Variants in ZFX observed in about 807,000 individuals in gnomAD.
ZFX encodes zinc finger protein X-linked.
For missense variants in ZFX, 362 were observed against 628.3 expected (o/e 0.58, Z 4.53); for synonymous variants, 196 against 226.8 (o/e 0.86, Z 1.22).
At chrX:24,172,170 T>C (rs1013714320) in intron 3 of ZFX, among the ~76,000 whole-genome samples, 1 of 112,281 alleles carries the variant, frequency 8.9e-6, no homozygotes, top group African/African-American at 3.2e-5. Flanking sequence ...ACTACAGTTA[T>C]GCACTTTGAA....
chrX:24,210,849 A>C lies in ZFX; in HGVS notation c.1891A>C (p.Lys631Gln). The change falls in exon 10 of 10, where the codon AAA (lysine) becomes CAA (glutamine). Residue 631 changes from lysine to glutamine, a missense_variant. Lys to Gln is a moderately conservative substitution (Grantham distance 53, BLOSUM62 1). Coordinates refer to ENST00000304543, the MANE Select transcript of ZFX (RefSeq NM_003410.4). ...QQHALIHQES[K>Q]THQCLHCDHK... ...ACATGCTCTTATCCACCAAGAAAGC[A>C]AAACACACCAGTGTTTGCATTGCGA... 1 of 1,211,998 alleles carries C rather than the reference A, an allele frequency of 8.3e-7. No homozygotes were observed. The highest frequency in any genetic ancestry group is 1.1e-6 in the Non-Finnish European group (1 of 895,575).
intron 3 of ZFX, among the ~76,000 whole-genome samples, chrX:24,157,683 A>C (rs1205371418): frequency 1.8e-5 from 2 of 112,374 alleles, no homozygotes; most frequent in African/African-American, 6.5e-5. Context: ...GGCAGAGCAC[A>C]ATATTGTTAG....
At chrX:24,175,786 C>T (rs1935072225) in intron 4 of ZFX, among the ~76,000 whole-genome samples, 1 of 110,424 alleles carries the variant, frequency 9.1e-6, no homozygotes, top group Non-Finnish European at 1.9e-5. Context: ...GCCATGTTGA[C>T]CAGGCTGGTC....
chrX:24,172,116 G>C (rs1168024273), intron 3 of ZFX, among the ~76,000 whole-genome samples: 2 of 112,070 alleles, frequency 1.8e-5, no homozygotes, highest in Non-Finnish European at 3.8e-5. Context: ...CTCTAGATGA[G>C]AGGGTTAGTT....
In ZFX at chrX:24,210,518, G is replaced by C; in HGVS notation, c.1560G>C (p.Lys520Asn). ...HKEKGANKMH[K>N]CKFCEYETAE... ...AAAAAGGAGCCAACAAAATGCACAA[G>C]TGTAAATTCTGTGAATACGAGACAG... Residue 520 changes from lysine (K) to asparagine (N), a missense_variant, in exon 10 of 10, where the codon AAG (lysine) becomes AAC (asparagine). Transcript: ENST00000304543. The C allele has an allele frequency of 1.7e-6, 2 of 1,211,955 alleles. No homozygotes were observed. The highest frequency in any genetic ancestry group is 3.5e-5 in the African/African-American group (2 of 57,822).
chrX:24,179,672 C>T lies in ZFX; in HGVS notation c.548C>T (p.Ala183Val). 1 of 1,211,614 alleles carries T rather than the reference C, an allele frequency of 8.3e-7. No homozygotes were observed. The highest frequency in any genetic ancestry group is 1.1e-6 in the Non-Finnish European group (1 of 895,534). Residue 183 changes from alanine to valine, a missense_variant, in exon 5 of 10, where the codon GCA becomes GTA. Ala to Val is a moderately conservative substitution (Grantham distance 64). Transcript: ENST00000304543. ...GTAGTTTCAGAAGAAGTATTGGTAG[C>T]AGACTGTGCCTCTGAAGCAGTCATA... is the stretch of plus-strand genomic sequence containing the variant. ...TDVVSEEVLV[A>V]DCASEAVIDA...
At position 24,215,528 on chromosome X, in the gene ZFX, A is replaced by G. The variant is rs1334868405; in HGVS notation, c.*4152A>G. ...TCCAAGTGATTCTGATGCCTGTTCA[A>G]ACTTGGGAAACACTTTTAGAGCACT... On this transcript the variant is annotated 3_prime_UTR_variant, in exon 10 of 10. Transcript: ENST00000304543. The G allele has an allele frequency of 1.8e-5, 2 of 111,773 alleles. No individual in the cohort carries two copies. The highest frequency in any genetic ancestry group is 2.8e-4 in the East Asian group (1 of 3,618). 9.2% of individuals were successfully genotyped at this position (111,773 alleles called of 1,213,427 possible).
In ZFX at chrX:24,206,500, C is replaced by CGTGTGT. The variant is rs774457469; in HGVS notation, c.647-781_647-776dup. Among the ~76,000 whole-genome samples the CGTGTGT allele has an allele frequency of 3.8e-3, 224 of 59,593 alleles. 1 individual carries two copies. The highest frequency in any genetic ancestry group is 0.012 in the Middle Eastern group (1 of 86). 51.7% of individuals were successfully genotyped at this position (59,593 alleles called of 115,157 possible). A position where few individuals can be genotyped will look rare whatever the true frequency, so the allele number is the denominator to read the frequency against. On this transcript the variant is annotated intron_variant, in intron 5 of 9. Transcript: ENST00000304543. ...TACAGGCGCATGCCACCATGCCTGG[C>CGTGTGT]GTGTGTGTGTGTGTGTGTGTGTGTG...
At chrX:24,199,947 T>G (rs941303476) in intron 5 of ZFX, among the ~76,000 whole-genome samples, 1 of 110,490 alleles carries the variant, frequency 9.1e-6, no homozygotes, top group Non-Finnish European at 1.9e-5. Context: ...TTGCTCGTTT[T>G]AAGCAGGGGA....
rs904801604 is a variant in ZFX, at chrX:24,214,377, A to G, written c.*3001A>G. ...ATTGTGTACTTGAGAATAACGTGCA[A>G]AAATAAAAATCAGAATATTTTCCTG... On this transcript the variant is annotated 3_prime_UTR_variant, in exon 10 of 10. Transcript: ENST00000304543. 9 of 112,470 alleles carry G rather than the reference A, an allele frequency of 8.0e-5. No individual in the cohort carries two copies. Among genetic ancestry groups the G allele is most frequent in the African/African-American group, 2.9e-4 (9 of 30,856 alleles). 9.3% of individuals were successfully genotyped at this position (112,470 alleles called of 1,213,427 possible). A position where few individuals can be genotyped will look rare whatever the true frequency, so the allele number is the denominator to read the frequency against.
At chrX:24,167,148 A>G (rs1934074351) in intron 3 of ZFX, among the ~76,000 whole-genome samples, 1 of 111,994 alleles carries the variant, frequency 8.9e-6, no homozygotes, top group African/African-American at 3.2e-5. Context: ...AGCAAGAAAG[A>G]TAGGGGCAGT....
chrX:24,167,306 C>G (rs1039480683), intron 3 of ZFX, among the ~76,000 whole-genome samples: 3 of 111,338 alleles, frequency 2.7e-5, no homozygotes, highest in Non-Finnish European at 5.7e-5. Context: ...CTTCTGTGAT[C>G]TGAATTTAAG....
At chrX:24,205,673 G>A (rs1220528360) in intron 5 of ZFX, among the ~76,000 whole-genome samples, 2 of 111,164 alleles carry the variant, frequency 1.8e-5, no homozygotes, top group Non-Finnish European at 3.8e-5. Flanking sequence ...TGACCAACAT[G>A]GCGAAACCTG....
Position 24,196,145 on chromosome X carries a change from G to T in ZFX, c.647-11181G>T, listed in dbSNP as rs192066645. On this transcript the variant is annotated intron_variant, in intron 5 of 9. Transcript: ENST00000304543. Reference sequence around the variant, plus strand: ...TTTATTTTTTTTGAGATGGAGTTTTGCTCGTTACCCAGGTTGGAGTGCAGT... The same window carrying T: ...TTTATTTTTTTTGAGATGGAGTTTTTCTCGTTACCCAGGTTGGAGTGCAGT... Among the ~76,000 whole-genome samples the T allele has an allele frequency of 9.3e-3, 1,028 of 111,052 alleles. 11 individuals carry two copies. Among genetic ancestry groups the T allele is most frequent in the African/African-American group, 0.031 (959 of 30,487 alleles).
At chrX:24,206,648 A>G (rs1289226645) in intron 5 of ZFX, among the ~76,000 whole-genome samples, 2 of 107,320 alleles carry the variant, frequency 1.9e-5, no homozygotes, top group Non-Finnish European at 3.8e-5. Context: ...TGGCCTCCCA[A>G]AGTGCTGGGA....
Position 24,160,332 on chromosome X carries a change from T to A in ZFX, c.-29+7502T>A, listed in dbSNP as rs746271425. 7.6e-4 allele frequency among the ~76,000 whole-genome samples: 74 copies of A among 97,588 alleles called. 1 individual carries two copies. The highest frequency in any genetic ancestry group is 1.3e-3 in the Non-Finnish European group (67 of 49,630). 84.7% of individuals were successfully genotyped at this position (97,588 alleles called of 115,157 possible). On this transcript the variant is annotated intron_variant, in intron 3 of 9. Coordinates refer to ENST00000304543, the MANE Select transcript of ZFX (RefSeq NM_003410.4). ...TTTTTTTTTTGAGAGCGGGTCTCGC[T>A]CTGTCGCCCAAGGTGGAGTGCAGTG...
rs910526653 is a variant in ZFX, at chrX:24,207,351, C to T, written c.672C>T (p.His224=). The T allele has an allele frequency of 6.6e-6, 8 of 1,203,749 alleles. No individual in the cohort carries two copies. The highest frequency in any genetic ancestry group is 5.4e-5 in the African/African-American group (3 of 55,730). The part of the protein sequence containing the change: ...ISLDDAGKIE[H]DGSSGMTMDT... Reference sequence around the variant, plus strand: ...TGGATGATGCTGGCAAAATAGAACACGATGGTTCTTCTGGAATGACCATGG... The same window carrying T: ...TGGATGATGCTGGCAAAATAGAACATGATGGTTCTTCTGGAATGACCATGG... Residue 224 remains histidine (H), a synonymous_variant, in exon 6 of 10, where the codon CAC becomes CAT. Transcript: ENST00000304543.
rs755040934 is a variant in ZFX, at chrX:24,209,008, G to C, written c.1202G>C (p.Arg401Thr). ...CTGGCTAAACAAAAACCAAAGAAAA[G>C]GAGAAGACCTGATTCCAGGCAGTAC... Reference protein sequence around the residue: ...GRLAKQKPKKRRRPDSRQYQT... With the variant: ...GRLAKQKPKKTRRPDSRQYQT... Residue 401 changes from arginine (R) to threonine (T), a missense_variant, in exon 9 of 10, where the codon AGG becomes ACG. Arg to Thr is a moderately conservative substitution (Grantham distance 71). Coordinates refer to ENST00000304543, the MANE Select transcript of ZFX (RefSeq NM_003410.4). 8.3e-7 allele frequency: 1 copy of C among 1,209,968 alleles called. No homozygotes were observed. Among genetic ancestry groups the C allele is most frequent in the Non-Finnish European group, 1.1e-6 (1 of 895,330 alleles).
intron 3 of ZFX, among the ~76,000 whole-genome samples, chrX:24,160,241 A>G (rs1357126312): frequency 2.0e-5 from 2 of 97,803 alleles, no homozygotes; most frequent in Non-Finnish European, 4.3e-5. Flanking sequence ...ATATATACTA[A>G]AAACTATAAA....
Sources: allele counts gnomAD v4.1 joint callset (sites outside exome capture counted in the v4.1 genomes callset), GRCh38; gene constraint gnomAD v4.1.1; transcripts MANE v1.5; gene names NCBI Gene and HGNC (gene_info 2026-07-23, HGNC 2026-07-21).